Variants in TRIP11 observed in about 807,000 individuals in gnomAD.
TRIP11 encodes thyroid hormone receptor interactor 11.
TRIP11 carries 148 observed loss-of-function variants against 223.1 expected under a neutral mutation model. That is an observed-to-expected ratio of 0.66 (90% confidence interval 0.58 to 0.76). The LOEUF (loss-of-function observed/expected upper bound fraction) is 0.76, where lower values mean the gene tolerates loss of function less well. Ranked by LOEUF, TRIP11 falls within the 30% of genes least tolerant of loss-of-function variation. TRIP11 has a pLI of 0.00. For synonymous variants in TRIP11, 762 were observed against 772.6 expected (o/e 0.99, Z 0.23); for missense variants, 2,043 against 2,222.0 (o/e 0.92, Z 1.62).
In TRIP11 at chr14:92,005,105, G is replaced by C. The variant is rs376705406; in HGVS notation, c.2871C>G (p.Leu957=). ...HEQMNATHTQ[L]FLEKDEEIKS... ...TAATTTCCTCATCCTTCTCTAAAAA[G>C]AGCTGGGTGTGTGTGGCGTTCATTT... The change falls in exon 11 of 21, where the codon CTC becomes CTG. Residue 957 remains leucine (L), a synonymous_variant. Coordinates refer to ENST00000267622, the MANE Select transcript of TRIP11 (RefSeq NM_004239.4). 7 of 1,613,586 alleles carry C rather than the reference G, an allele frequency of 4.3e-6. No homozygotes were observed. In the African/African-American group the frequency reaches 9.3e-5, roughly 22 times the overall value.
intron 13 of TRIP11, among the ~76,000 whole-genome samples, chr14:91,996,085 C>T (rs1363068799): frequency 6.6e-6 from 1 of 152,170 alleles, no homozygotes; most frequent in Non-Finnish European, 1.5e-5. Context: ...GTACAACCAC[C>T]ACCACCATCC....
rs1395917596 is a variant in TRIP11, at chr14:92,005,962, C to T, written c.2014G>A (p.Ala672Thr). 6.2e-7 allele frequency: 1 copy of T among 1,612,606 alleles called. No homozygotes were observed. Among genetic ancestry groups the T allele is most frequent in the South Asian group, 1.1e-5 (1 of 90,608 alleles). The change falls in exon 11 of 21, where the codon GCT becomes ACT. Residue 672 changes from alanine to threonine, a missense_variant. By Grantham distance (58) the Ala-to-Thr change is moderately conservative. Transcript: ENST00000267622. Reference sequence around the variant, plus strand: ...TCATTTTCCATTTTGACATCAAAAGCAACTTTCTTTAAATTTTCATTGAGC... The same window carrying T: ...TCATTTTCCATTTTGACATCAAAAGTAACTTTCTTTAAATTTTCATTGAGC... ...EQLNENLKKV[A>T]FDVKMENEKL...
chr14:92,034,680 C>T (rs563903106), intron 1 of TRIP11, among the ~76,000 whole-genome samples: 1 of 152,326 alleles, frequency 6.6e-6, no homozygotes, highest in East Asian at 1.9e-4. Context: ...GGTCTCACTT[C>T]ACTCTGCCAC....
chr14:92,026,123 GA>G (rs1253003843), intron 2 of TRIP11, among the ~76,000 whole-genome samples: 2 of 152,178 alleles, frequency 1.3e-5, no homozygotes, highest in South Asian at 2.1e-4. Flanking sequence ...TTTTTAAAAA[GA>G]AATCTTTCTG....
chr14:92,014,232 A>G lies in TRIP11; in HGVS notation c.1169T>C (p.Leu390Pro), dbSNP rs773196940. 3.7e-6 allele frequency: 6 copies of G among 1,614,072 alleles called. No individual in the cohort carries two copies. In the East Asian group the frequency reaches 6.7e-5, roughly 18 times the overall value. Residue 390 changes from leucine (L) to proline (P), a missense_variant, in exon 7 of 21, where the codon CTA becomes CCA. Physicochemically the swap from Leu to Pro is moderately conservative, Grantham distance 98 (BLOSUM62 -3). Coordinates refer to ENST00000267622, the MANE Select transcript of TRIP11 (RefSeq NM_004239.4). ...QSASVEEVFRLQQALSDAENE... is the reference protein window; with the variant it reads ...QSASVEEVFRPQQALSDAENE... ...CTGTATACCAGACAGTGCTTGTTGT[A>G]GTCTGAACACTTCTTCCACTGATGC...
chr14:92,024,689 C>A (rs1400579905), intron 3 of TRIP11, among the ~76,000 whole-genome samples: 1 of 152,022 alleles, frequency 6.6e-6, no homozygotes. Flanking sequence ...ATGATCTGGA[C>A]AATATAACAG....
chr14:91,973,025 CTTTTTTT>C (rs142203489), intron 19 of TRIP11, among the ~76,000 whole-genome samples, 164 bp from the exon 20 acceptor site: 1 of 131,378 alleles, frequency 7.6e-6, no homozygotes, highest in South Asian at 2.4e-4. Flanking sequence ...AATACTGGCA[CTTTTTTT>C]TTTTTTTTTT....
chr14:91,988,517 T>A, intron 15 of TRIP11, 134 bp from the exon 16 acceptor site: 1 of 712,472 alleles, frequency 1.4e-6, no homozygotes, highest in Non-Finnish European at 2.4e-6. Context: ...GGCAAATGTA[T>A]CCAACCAATA....
At chr14:92,024,274 C>T (rs751267595) in intron 3 of TRIP11, among the ~76,000 whole-genome samples, 3 of 150,892 alleles carry the variant, frequency 2.0e-5, no homozygotes, top group East Asian at 3.9e-4. Context: ...GCTACTCAGG[C>T]GGCACGAGAA....
Position 91,999,421 on chromosome 14 carries a change from G to A in TRIP11, c.4711C>T (p.Arg1571Cys), listed in dbSNP as rs898794724. Residue 1571 changes from arginine (R) to cysteine (C), a missense_variant, in exon 13 of 21, where the codon CGT becomes TGT. Physicochemically the swap from Arg to Cys is radical, Grantham distance 180. Transcript: ENST00000267622. ...TALQNEVQRLRDKEFRSNQEL... is the reference protein window; with the variant it reads ...TALQNEVQRLCDKEFRSNQEL... ...TGGTTTGAACGAAATTCTTTGTCAC[G>A]TAAACGTTGAACCTAGGTAGAGGAC... is the stretch of plus-strand genomic sequence containing the variant. 4.3e-6 allele frequency: 7 copies of A among 1,613,704 alleles called. No individual in the cohort carries two copies. The highest frequency in any genetic ancestry group is 1.1e-5 in the South Asian group (1 of 91,068).
intron 16 of TRIP11, among the ~76,000 whole-genome samples, chr14:91,985,662 C>G (rs1011252736): frequency 6.6e-6 from 1 of 152,234 alleles, no homozygotes; most frequent in Admixed American, 6.5e-5. Flanking sequence ...TTTGCCTTTA[C>G]GATTCAAGTC....
In TRIP11 at chr14:91,968,763, A is replaced by T. The variant is rs1200405560; in HGVS notation, c.*910T>A. ...TGAGTGAAAAAAAGCCAGTCTCAAG[A>T]GGGTATATATTGATTCCATTTATAT... On this transcript the variant is annotated 3_prime_UTR_variant, in exon 21 of 21. Coordinates refer to ENST00000267622, the MANE Select transcript of TRIP11 (RefSeq NM_004239.4). 2 of 229,990 alleles carry T rather than the reference A, an allele frequency of 8.7e-6. No individual in the cohort carries two copies. Among genetic ancestry groups the T allele is most frequent in the East Asian group, 1.2e-4 (2 of 16,036 alleles). 14.2% of individuals were successfully genotyped at this position (229,990 alleles called of 1,614,324 possible).
intron 2 of TRIP11, among the ~76,000 whole-genome samples, chr14:92,032,832 C>CA (rs200430285): frequency 0.011 from 861 of 75,196 alleles, 3 homozygotes; most frequent in Non-Finnish European, 0.018. Flanking sequence ...GACCCCGTTT[C>CA]AAAAAAAAAA....
intron 16 of TRIP11, among the ~76,000 whole-genome samples, chr14:91,977,941 C>G (rs1396170877): frequency 3.3e-5 from 5 of 152,000 alleles, no homozygotes. Flanking sequence ...GTTGCCATAA[C>G]CATATTATAA....
rs557456914 is a variant in TRIP11, at chr14:92,004,268, T to C, written c.3708A>G (p.Gln1236=). ...CTTCCTGAAGCTGGGCTGACTCGTG[T>C]TGCATATTTTGTACTGTGGTCATCA... The part of the protein sequence containing the change: ...QQVMTTVQNM[Q]HESAQLQEEL... Residue 1236 remains glutamine, a synonymous_variant, in exon 11 of 21, where the codon CAA becomes CAG. Transcript: ENST00000267622. 7.8e-5 allele frequency: 126 copies of C among 1,614,170 alleles called. No individual in the cohort carries two copies. The highest frequency in any genetic ancestry group is 3.3e-4 in the Admixed American group (20 of 60,014).
chr14:91,999,329 A>G lies in TRIP11; in HGVS notation c.4803T>C (p.Ala1601=). 1 of 1,613,974 alleles carries G rather than the reference A, an allele frequency of 6.2e-7. No individual in the cohort carries two copies. The highest frequency in any genetic ancestry group is 8.5e-7 in the Non-Finnish European group (1 of 1,179,916). Residue 1601 remains alanine, a synonymous_variant, in exon 13 of 21, where the codon GCT becomes GCC. Transcript: ENST00000267622. ...SEDSYTREAL[A]AEDREAKLRK... ...TTAGTTTAGCCTCTCTATCTTCTGC[A>G]GCCAAAGCTTCACGGGTATAAGAAT...
In TRIP11 at chr14:91,969,009, G is replaced by A. The variant is rs138892598; in HGVS notation, c.*664C>T. ...ATGCCTTAATCCCAGCACTTTGGGA[G>A]GCTGAGGTGGGAGGATCACTTGAGC... is the stretch of plus-strand genomic sequence containing the variant. On this transcript the variant is annotated 3_prime_UTR_variant, in exon 21 of 21. Transcript: ENST00000267622. The A allele has an allele frequency of 4.8e-3, 1,069 of 221,782 alleles. 14 individuals are homozygous for A. Among genetic ancestry groups the A allele is most frequent in the African/African-American group, 0.023 (1,014 of 44,774 alleles). The allele number at this position is 221,782 out of a possible 1,614,324, so 13.7% of individuals were successfully genotyped here.
chr14:92,037,786 G>A lies in TRIP11; in HGVS notation c.139+1761C>T, dbSNP rs979962920. On this transcript the variant is annotated intron_variant, in intron 1 of 20. Coordinates refer to ENST00000267622, the MANE Select transcript of TRIP11 (RefSeq NM_004239.4). The surrounding 1 kb of genome is among the most constrained non-coding windows in gnomAD (Gnocchi z 4.2). The stretch of plus-strand genomic sequence containing the variant: ...AGCTACTTGGGAGGCTGAGGCAGGA[G>A]AATTGCTTGAACCCGGGAGGCGAAG... Among the ~76,000 whole-genome samples the A allele has an allele frequency of 6.6e-6, 1 of 152,230 alleles. No homozygotes were observed. Among genetic ancestry groups the A allele is most frequent in the African/African-American group, 2.4e-5 (1 of 41,464 alleles).
In TRIP11 at chr14:91,975,193, G is replaced by A; in HGVS notation, c.5436C>T (p.Val1812=). Residue 1812 remains valine (V), a synonymous_variant, in exon 18 of 21, where the codon GTC becomes GTT. Coordinates refer to ENST00000267622, the MANE Select transcript of TRIP11 (RefSeq NM_004239.4). ...TCACCTGCTCCATCTCCTCCCTTCT[G>A]ACGCCCAGGATGCTCCCCATTAACC... is the stretch of plus-strand genomic sequence containing the variant. ...VLRLMGSILG[V]RREEMEQLFH... 6.2e-7 allele frequency: 1 copy of A among 1,613,572 alleles called. No individual in the cohort carries two copies. Among genetic ancestry groups the A allele is most frequent in the Non-Finnish European group, 8.5e-7 (1 of 1,179,692 alleles).
Sources: allele counts gnomAD v4.1 joint callset (sites outside exome capture counted in the v4.1 genomes callset), GRCh38; gene constraint gnomAD v4.1.1; non-coding constraint Gnocchi (gnomAD v3.1); transcripts MANE v1.5; gene names NCBI Gene and HGNC (gene_info 2026-07-23, HGNC 2026-07-21).